Variants in SLC24A2 observed in about 807,000 individuals in gnomAD.
SLC24A2 encodes the protein sodium/potassium/calcium exchanger 2.
SLC24A2 carries 36 observed loss-of-function variants against 62.0 expected under a neutral mutation model. The ratio of observed to expected loss-of-function variants is 0.58; its 90% CI spans 0.44 to 0.77. The LOEUF (loss-of-function observed/expected upper bound fraction) is 0.77. Ranked by LOEUF, SLC24A2 falls within the 30% of genes least tolerant of loss-of-function variation. SLC24A2 has a pLI of 0.00. For missense variants in SLC24A2, 846 were observed against 817.9 expected (o/e 1.03, Z -0.42); for synonymous variants, 358 against 294.0 (o/e 1.22, Z -2.23).
chr9:19,920,788 C>A, the SLC24A2 span, among the ~76,000 whole-genome samples: 1 of 152,258 alleles, frequency 6.6e-6, no homozygotes, highest in Admixed American at 6.5e-5. Context: ...AATGACTGAC[C>A]TATACAACCT....
chr9:19,689,850 T>C (rs1430497970), intron 2 of SLC24A2, among the ~76,000 whole-genome samples: 2 of 152,128 alleles, frequency 1.3e-5, no homozygotes, highest in Non-Finnish European at 2.9e-5. Context: ...CGTGTGTCTG[T>C]AAGGGTGTTT....
chr9:20,193,860 C>T, the SLC24A2 span, among the ~76,000 whole-genome samples: 8 of 151,960 alleles, frequency 5.3e-5, no homozygotes, highest in Non-Finnish European at 1.0e-4. Flanking sequence ...GCAAAATGAT[C>T]CTATCGGTTG....
chr9:19,951,665 G>T, the SLC24A2 span, among the ~76,000 whole-genome samples: 8 of 152,042 alleles, frequency 5.3e-5, 1 homozygote, highest in South Asian at 1.7e-3. Context: ...AAAGATTTAT[G>T]TCTGAAGTCT....
the SLC24A2 span, among the ~76,000 whole-genome samples, chr9:19,890,907 T>A: frequency 1.3e-5 from 2 of 150,838 alleles, no homozygotes; most frequent in African/African-American, 4.9e-5. Flanking sequence ...TCACTCGACA[T>A]TTTTTTCCAC....
chr9:20,301,157 T>C, the SLC24A2 span, among the ~76,000 whole-genome samples: 1 of 152,216 alleles, frequency 6.6e-6, no homozygotes, highest in East Asian at 1.9e-4. Flanking sequence ...CACACTTTGC[T>C]CTACCTCCAG....
the SLC24A2 span, among the ~76,000 whole-genome samples, chr9:20,011,637 T>C: frequency 6.6e-6 from 1 of 152,160 alleles, no homozygotes; most frequent in South Asian, 2.1e-4. Context: ...CTAGAAAGCA[T>C]ATTTAAGGAA....
At position 19,554,185 on chromosome 9, in the gene SLC24A2, A is replaced by G. The variant is rs1310647645; in HGVS notation, c.1348-3917T>C. Among the ~76,000 whole-genome samples the G allele has an allele frequency of 2.0e-5, 3 of 152,196 alleles. No individual in the cohort carries two copies. In the East Asian group the frequency reaches 5.8e-4, roughly 29 times the overall value. On this transcript the variant is annotated intron_variant, in intron 7 of 10. Transcript: ENST00000341998. ...GCCACATGAAGATGGGGACACAGCA[A>G]GAAGGCAGCGGCAGCAAGCAAAGGA...
intron 2 of SLC24A2, among the ~76,000 whole-genome samples, chr9:19,729,458 C>A (rs1042294129): frequency 6.6e-6 from 1 of 152,132 alleles, no homozygotes; most frequent in Admixed American, 6.6e-5. Context: ...TGAAGATATG[C>A]ACTAAACCTA....
At chr9:19,802,716 G>A in the SLC24A2 span, among the ~76,000 whole-genome samples, 20 of 152,166 alleles carry the variant, frequency 1.3e-4, no homozygotes, top group East Asian at 3.9e-4. Flanking sequence ...GAAATTGTGC[G>A]GAAGTCCAGA....
chr9:19,618,925 T>C (rs867824363), intron 4 of SLC24A2, among the ~76,000 whole-genome samples: 1 of 152,224 alleles, frequency 6.6e-6, no homozygotes, highest in South Asian at 2.1e-4. Context: ...ACACAATGTA[T>C]TTGGCCTCAT....
chr9:20,174,846 C>T, the SLC24A2 span, among the ~76,000 whole-genome samples: 2 of 151,944 alleles, frequency 1.3e-5, no homozygotes, highest in Non-Finnish European at 2.9e-5. Context: ...AATCCCACTA[C>T]TGGGTATCCA....
chr9:19,996,090 G>A, the SLC24A2 span, among the ~76,000 whole-genome samples: 4 of 152,242 alleles, frequency 2.6e-5, no homozygotes, highest in Non-Finnish European at 4.4e-5. Flanking sequence ...GCTTGTAACT[G>A]TGCATGCATG....
At chr9:20,261,611 T>TG in the SLC24A2 span, among the ~76,000 whole-genome samples, 2 of 152,162 alleles carry the variant, frequency 1.3e-5, no homozygotes, top group Non-Finnish European at 1.5e-5. Context: ...ACGTGAATTT[T>TG]GGGGGATGCA....
intron 2 of SLC24A2, among the ~76,000 whole-genome samples, chr9:19,747,338 C>T (rs1009655415): frequency 5.9e-5 from 9 of 151,988 alleles, no homozygotes; most frequent in South Asian, 4.1e-4. Flanking sequence ...GGTATGTGTA[C>T]GTGTTTAAAA....
At chr9:19,564,051 T>C (rs1174925528) in intron 7 of SLC24A2, among the ~76,000 whole-genome samples, 2 of 151,814 alleles carry the variant, frequency 1.3e-5, no homozygotes, top group Non-Finnish European at 2.9e-5. Flanking sequence ...GAGAGTGTTT[T>C]TGTGATGTTG....
chr9:20,234,073 G>A, the SLC24A2 span, among the ~76,000 whole-genome samples: 2 of 152,222 alleles, frequency 1.3e-5, no homozygotes, highest in Admixed American at 1.3e-4. Flanking sequence ...CTTCTGGCTT[G>A]GAGAGTTTCT....
chr9:19,552,341 T>C (rs141034113), intron 7 of SLC24A2, among the ~76,000 whole-genome samples: 2,001 of 152,282 alleles, frequency 0.013, 23 homozygotes, highest in Non-Finnish European at 0.019. Flanking sequence ...ATGGGGCCAA[T>C]GTGGATTAAG....
the SLC24A2 span, among the ~76,000 whole-genome samples, chr9:19,809,818 A>C: frequency 6.6e-6 from 1 of 152,076 alleles, no homozygotes; most frequent in East Asian, 1.9e-4. Flanking sequence ...CCGTTGCATC[A>C]GCCACCTGCT....
intron 2 of SLC24A2, among the ~76,000 whole-genome samples, chr9:19,658,607 C>T (rs77781455): frequency 1.3e-5 from 2 of 152,186 alleles, no homozygotes; most frequent in African/African-American, 2.4e-5. Flanking sequence ...TCTCTGTTTG[C>T]CCCTCCATAT....
Sources: gnomAD v4.1 joint callset for allele counts (sites outside exome capture counted in the v4.1 genomes callset) on GRCh38, gnomAD v4.1.1 for gene constraint, MANE v1.5 for transcripts, NCBI Gene and HGNC (gene_info 2026-07-23, HGNC 2026-07-21) for gene names.